Variants in NSMCE2 observed in about 807,000 individuals in gnomAD.
The protein encoded by NSMCE2 is NSE2 SUMO ligase component of SMC5/6 complex, also known as E3 SUMO-protein ligase NSE2.
In NSMCE2, 24 loss-of-function variants were observed where a neutral mutation model predicts 23.8. The observed-to-expected ratio is 1.01, with a 90% CI of 0.73 to 1.42. The LOEUF (loss-of-function observed/expected upper bound fraction) is 1.42. NSMCE2 is among the 40% of genes most tolerant of loss of function. The pLI, the probability that NSMCE2 is intolerant of heterozygous loss-of-function variation, is 0.00. For synonymous variants in NSMCE2, 92 were observed against 94.1 expected, an observed-to-expected ratio of 0.98 and a Z score of 0.13; for missense variants, 284 against 296.5, an observed-to-expected ratio of 0.96 and a Z score of 0.31.
chr8:125,162,117 T>C (rs1458360623), intron 4 of NSMCE2, among the ~76,000 whole-genome samples: 4 of 152,166 alleles, frequency 2.6e-5, no homozygotes, highest in Non-Finnish European at 5.9e-5. Context: ...CTGGGTGTGC[T>C]CAAAGAGTTC....
At chr8:125,202,159 C>T (rs982039992) in intron 5 of NSMCE2, among the ~76,000 whole-genome samples, 1 of 152,220 alleles carries the variant, frequency 6.6e-6, no homozygotes, top group East Asian at 1.9e-4. Flanking sequence ...TCCTCTGGCC[C>T]CTTGCGCTTC....
At chr8:125,163,124 T>C (rs1294238405) in intron 4 of NSMCE2, among the ~76,000 whole-genome samples, 2 of 152,118 alleles carry the variant, frequency 1.3e-5, no homozygotes, top group Non-Finnish European at 1.5e-5. Context: ...CCCAACACTT[T>C]GGGAGGCCGA....
intron 5 of NSMCE2, among the ~76,000 whole-genome samples, chr8:125,262,950 T>C (rs1261018103): frequency 6.6e-6 from 1 of 152,148 alleles, no homozygotes; most frequent in Non-Finnish European, 1.5e-5. Context: ...AAGATGAGTA[T>C]CTTTATATTG....
At chr8:125,250,935 T>C (rs1826177364) in intron 5 of NSMCE2, among the ~76,000 whole-genome samples, 1 of 152,236 alleles carries the variant, frequency 6.6e-6, no homozygotes, top group Non-Finnish European at 1.5e-5. Flanking sequence ...ATTCACTAAA[T>C]CTTTACTAGG....
chr8:125,195,879 C>CTG (rs1823587901), intron 5 of NSMCE2, among the ~76,000 whole-genome samples: 7 of 83,624 alleles, frequency 8.4e-5, no homozygotes, highest in Admixed American at 1.5e-4. Context: ...TCCTGAATAA[C>CTG]TTTTTTTTTT....
intron 5 of NSMCE2, among the ~76,000 whole-genome samples, chr8:125,325,451 G>T (rs1234635998): frequency 6.6e-6 from 1 of 152,154 alleles, no homozygotes; most frequent in Non-Finnish European, 1.5e-5. Context: ...CCTGGCTCAA[G>T]TCATCCTCTC....
intron 1 of NSMCE2, among the ~76,000 whole-genome samples, chr8:125,095,722 C>T (rs1054806429): frequency 2.0e-5 from 3 of 151,872 alleles, no homozygotes; most frequent in Non-Finnish European, 4.4e-5. Flanking sequence ...TAGTGAAACC[C>T]CGTCTCTACT....
intron 5 of NSMCE2, among the ~76,000 whole-genome samples, chr8:125,240,960 A>G (rs1248518072): frequency 6.6e-6 from 1 of 152,198 alleles, no homozygotes; most frequent in Non-Finnish European, 1.5e-5. Context: ...CAAAATTAGC[A>G]GCTTCCATGG....
At chr8:125,110,880 T>C (rs1818711096) in intron 3 of NSMCE2, among the ~76,000 whole-genome samples, 1 of 150,322 alleles carries the variant, frequency 6.7e-6, no homozygotes, top group South Asian at 2.1e-4. Context: ...TGTATGGTCA[T>C]GGGGGGAAGG....
chr8:125,286,316 T>TA (rs1490689455), intron 5 of NSMCE2, among the ~76,000 whole-genome samples: 164 of 38,330 alleles, frequency 4.3e-3, no homozygotes, highest in African/African-American at 6.6e-3. Context: ...CTTTTATTTA[T>TA]TTTTTTTTTT....
At chr8:125,272,565 G>T (rs559764885) in intron 5 of NSMCE2, among the ~76,000 whole-genome samples, 100 of 151,350 alleles carry the variant, frequency 6.6e-4, no homozygotes, top group Admixed American at 3.4e-3. Flanking sequence ...CATCATTTCC[G>T]CTAACAGACC....
chr8:125,113,668 G>T (rs1437094455), intron 3 of NSMCE2, among the ~76,000 whole-genome samples: 1 of 152,174 alleles, frequency 6.6e-6, no homozygotes, highest in Admixed American at 6.5e-5. Flanking sequence ...GTTTAGGTGT[G>T]CAGAAAGATT....
chr8:125,252,385 G>A (rs987144876), intron 5 of NSMCE2, among the ~76,000 whole-genome samples: 2 of 152,152 alleles, frequency 1.3e-5, no homozygotes, highest in Admixed American at 6.5e-5. Context: ...AAATTAGCTG[G>A]ATGTGGTGGT....
At chr8:125,146,682 T>A (rs1400678224) in intron 3 of NSMCE2, among the ~76,000 whole-genome samples, 4 of 151,746 alleles carry the variant, frequency 2.6e-5, no homozygotes, top group African/African-American at 9.7e-5. Flanking sequence ...CACTCATAGG[T>A]GGGAATTGAA....
chr8:125,364,801 A>G (rs951992021), intron 7 of NSMCE2, among the ~76,000 whole-genome samples: 1 of 152,182 alleles, frequency 6.6e-6, no homozygotes, highest in Admixed American at 6.5e-5. Context: ...CTTGGGAAAT[A>G]AGGGTTCTCT....
intron 5 of NSMCE2, among the ~76,000 whole-genome samples, chr8:125,190,145 A>G (rs999454355): frequency 3.9e-5 from 6 of 152,032 alleles, no homozygotes; most frequent in Non-Finnish European, 8.8e-5. Flanking sequence ...GCCCTACACA[A>G]ATTTTTTATT....
At chr8:125,195,337 A>G (rs1041350428) in intron 5 of NSMCE2, among the ~76,000 whole-genome samples, 3 of 152,200 alleles carry the variant, frequency 2.0e-5, no homozygotes, top group African/African-American at 7.2e-5. Flanking sequence ...GAGGGTTGAA[A>G]ATAATCTACT....
chr8:125,170,830 A>G (rs1822164871), intron 4 of NSMCE2, among the ~76,000 whole-genome samples: 1 of 152,132 alleles, frequency 6.6e-6, no homozygotes, highest in South Asian at 2.1e-4. Context: ...CAGCCTACTG[A>G]CTGCTCTCCT....
At chr8:125,280,036 T>C (rs1404055821) in intron 5 of NSMCE2, among the ~76,000 whole-genome samples, 11 of 152,236 alleles carry the variant, frequency 7.2e-5, no homozygotes, top group Non-Finnish European at 1.5e-4. Context: ...AGGGACCATC[T>C]TTATGTTCTC....
Sources: allele counts gnomAD v4.1 joint callset (sites outside exome capture counted in the v4.1 genomes callset), GRCh38; gene constraint gnomAD v4.1.1; transcripts MANE v1.5; gene names NCBI Gene and HGNC (gene_info 2026-07-23, HGNC 2026-07-21).